The following B4GALNT2 variants were observed in gnomAD, a reference collection of about 807,000 sequenced individuals.
B4GALNT2 encodes the protein N-acetylneuraminylgalactosylglucosyl-glucoside beta-1,4-N- acetylgalactosaminyltransferase 2.
Under a neutral mutation model 51.1 loss-of-function variants are expected in B4GALNT2, and 42 were observed. The observed-to-expected ratio is 0.82, with a 90% CI of 0.64 to 1.06. B4GALNT2 has a LOEUF of 1.06. Among genes scored for constraint, B4GALNT2 ranks in the 50% least tolerant of loss-of-function variants. The pLI is 0.00. For missense variants in B4GALNT2, 602 were observed against 633.6 expected (o/e 0.95, Z 0.54); for synonymous variants, 253 against 251.7 (o/e 1.01, Z -0.05).
chr17:49,131,722 G>T (rs1236854769), upstream of B4GALNT2, among the ~76,000 whole-genome samples: 1 of 152,030 alleles, frequency 6.6e-6, no homozygotes, highest in East Asian at 1.9e-4. Context: ...TGTTGCCCAG[G>T]CTGGTCTCAA....
At chr17:49,157,487 A>AT (rs748828783) in intron 5 of B4GALNT2, among the ~76,000 whole-genome samples, 4 of 151,886 alleles carry the variant, frequency 2.6e-5, no homozygotes, top group South Asian at 4.1e-4. Context: ...CACCCAGCTA[A>AT]TTTTTTGTAT....
upstream of B4GALNT2, among the ~76,000 whole-genome samples, chr17:49,129,617 G>T (rs968331687): frequency 1.0e-5 from 1 of 98,622 alleles, no homozygotes. Context: ...GCTTCTGGCC[G>T]ATTTTTTGGT....
intron 4 of B4GALNT2, among the ~76,000 whole-genome samples, chr17:49,155,669 ATAT>A (rs1338497086): frequency 2.0e-5 from 3 of 148,348 alleles, no homozygotes; most frequent in African/African-American, 4.9e-5. Context: ...AAAAACATAT[ATAT>A]TATTATTTAT....
upstream of B4GALNT2, among the ~76,000 whole-genome samples, chr17:49,130,357 G>A (rs938058121): frequency 3.3e-5 from 5 of 152,236 alleles, no homozygotes; most frequent in African/African-American, 1.2e-4. Flanking sequence ...GTCTAGTTGG[G>A]CCAGGCCCAG....
Position 49,171,224 on chromosome 17 carries a change from G to A in B4GALNT2, c.*1496G>A, listed in dbSNP as rs1248253096. ...TGTCATGGTGAGCTAATTCTCACAGGAGTCAGGATCCGCACCTGCAGACTA... is the reference window on the plus strand; with the variant it reads ...TGTCATGGTGAGCTAATTCTCACAGAAGTCAGGATCCGCACCTGCAGACTA... On this transcript the variant is annotated 3_prime_UTR_variant, in exon 11 of 11. Coordinates refer to ENST00000393354, the MANE Select transcript of B4GALNT2 (RefSeq NM_001159387.2). 4.4e-6 allele frequency: 1 copy of A among 228,130 alleles called. No individual in the cohort carries two copies. The highest frequency in any genetic ancestry group is 8.7e-6 in the Non-Finnish European group (1 of 114,638). The allele number at this position is 228,130 out of a possible 1,614,324, so 14.1% of individuals were successfully genotyped here. A position where few individuals can be genotyped will look rare whatever the true frequency, so the allele number is the denominator to read the frequency against.
upstream of B4GALNT2, among the ~76,000 whole-genome samples, chr17:49,130,667 C>T (rs1041921223): frequency 6.6e-6 from 1 of 152,006 alleles, no homozygotes; most frequent in Non-Finnish European, 1.5e-5. Context: ...TTGTGTATTA[C>T]TCTTTATGTA....
chr17:49,169,458 C>T, intron 10 of B4GALNT2, 65 bp from the exon 11 acceptor site: 1 of 1,487,698 alleles, frequency 6.7e-7, no homozygotes, highest in Non-Finnish European at 9.3e-7. Context: ...CCCCACCAGA[C>T]CTAGAATAGT....
the B4GALNT2 span, among the ~76,000 whole-genome samples, chr17:49,127,303 G>C: frequency 2.6e-5 from 4 of 152,146 alleles, no homozygotes; most frequent in African/African-American, 9.7e-5. Context: ...AGATTATTCT[G>C]TTTGGGCTGA....
At chr17:49,133,561 A>C (rs948764314) in intron 1 of B4GALNT2, among the ~76,000 whole-genome samples, 1 of 152,236 alleles carries the variant, frequency 6.6e-6, no homozygotes, top group Non-Finnish European at 1.5e-5. Context: ...TTGACAAAGA[A>C]GTCATCTCAC....
At chr17:49,141,225 C>T in intron 1 of B4GALNT2, 22 bp from the exon 2 acceptor site, 1 of 1,600,194 alleles carries the variant, frequency 6.2e-7, no homozygotes, top group Non-Finnish European at 8.6e-7. Context: ...TTAACATAAT[C>T]TGTTCTTTTG....
At chr17:49,143,364 C>T (rs9902755) in intron 3 of B4GALNT2, among the ~76,000 whole-genome samples, 93,096 of 152,110 alleles carry the variant, frequency 0.61, 30,232 homozygotes, top group African/African-American at 0.8. Context: ...CAAAAGGGAA[C>T]TTGTTAGAAG....
At chr17:49,126,090 G>A in the B4GALNT2 span, among the ~76,000 whole-genome samples, 3 of 152,132 alleles carry the variant, frequency 2.0e-5, no homozygotes, top group Non-Finnish European at 4.4e-5. Context: ...TTGAGAAATC[G>A]GATGGTTGCC....
intron 4 of B4GALNT2, among the ~76,000 whole-genome samples, chr17:49,153,883 G>A (rs1462857437): frequency 6.6e-6 from 1 of 151,984 alleles, no homozygotes; most frequent in South Asian, 2.1e-4. Flanking sequence ...GACCTCCTGG[G>A]GCTCCAAGAT....
intron 4 of B4GALNT2, among the ~76,000 whole-genome samples, chr17:49,153,313 G>A (rs1407361298): frequency 6.6e-6 from 1 of 151,924 alleles, no homozygotes; most frequent in African/African-American, 2.4e-5. Context: ...TACTTGTGGG[G>A]TTGAAGCAGA....
At chr17:49,148,300 GA>G (rs912581091) in intron 3 of B4GALNT2, 269 of 324,186 alleles carry the variant, frequency 8.3e-4, no homozygotes, top group Middle Eastern at 3.2e-3. Context: ...ATCCTGTCTC[GA>G]AAAAAAAATA....
intron 5 of B4GALNT2, among the ~76,000 whole-genome samples, chr17:49,158,272 G>C (rs1238533030): frequency 3.9e-5 from 6 of 152,164 alleles, no homozygotes. Context: ...AGTTTGAGTT[G>C]CTTGTGAAAG....
At position 49,171,491 on chromosome 17, in the gene B4GALNT2, C is replaced by T. The variant is rs543730930; in HGVS notation, c.*1763C>T. On this transcript the variant is annotated 3_prime_UTR_variant, in exon 11 of 11. Transcript: ENST00000393354. ...CTTCTAGATGCTTTTTTATTCTTTC[C>T]CAAATTTTGATCTTATTAACAGACA... is the stretch of plus-strand genomic sequence containing the variant. 226 of 387,752 alleles carry T rather than the reference C, an allele frequency of 5.8e-4. 1 individual carries two copies. The highest frequency in any genetic ancestry group is 3.5e-3 in the Middle Eastern group (4 of 1,150). 24.0% of individuals were successfully genotyped at this position (387,752 alleles called of 1,614,324 possible).
At chr17:49,155,182 G>A (rs1405592629) in intron 4 of B4GALNT2, among the ~76,000 whole-genome samples, 1 of 150,478 alleles carries the variant, frequency 6.6e-6, no homozygotes, top group Non-Finnish European at 1.5e-5. Context: ...GGTGGTACAT[G>A]CCTGTGGTCC....
At chr17:49,123,266 A>AAG in the B4GALNT2 span, among the ~76,000 whole-genome samples, 1 of 152,196 alleles carries the variant, frequency 6.6e-6, no homozygotes, top group Non-Finnish European at 1.5e-5. Context: ...GCCAGCAGTG[A>AAG]AGAGATTTCC....
Sources: gnomAD v4.1 joint callset for allele counts (sites outside exome capture counted in the v4.1 genomes callset) on GRCh38, gnomAD v4.1.1 for gene constraint, MANE v1.5 for transcripts, NCBI Gene and HGNC (gene_info 2026-07-23, HGNC 2026-07-21) for gene names.